Variants in TCF4 observed in about 807,000 individuals in gnomAD.
TCF4 encodes the protein SL3-3 enhancer factor 2.
TCF4 carries 3 observed loss-of-function variants against 82.1 expected under a neutral mutation model. The observed-to-expected ratio is 0.04, with a 90% confidence interval of 0.02 to 0.09. The LOEUF (loss-of-function observed/expected upper bound fraction) is 0.09, where lower values mean the gene tolerates loss of function less well. Ranked by LOEUF, TCF4 falls within the 10% of genes least tolerant of loss-of-function variation. TCF4 has a pLI of 1.00. For synonymous variants in TCF4, 276 were observed against 309.6 expected (o/e 0.89, Z 1.14); for missense variants, 518 against 852.7 (o/e 0.61, Z 4.89).
chr18:55,586,153 GAGCAGCAGCAGC>G lies in TCF4; in HGVS notation c.73-813_73-802del, dbSNP rs55725917. On this transcript the variant is annotated intron_variant, in intron 2 of 19. Transcript: ENST00000354452. ...GGAGGAGAAGGAGGAGGAGGAGGAG[GAGCAGCAGCAGC>G]AGCAGCAGCAGCAGCAGCAGCAGCA... 4.8e-3 allele frequency: 3,407 copies of G among 707,580 alleles called. 99 individuals carry two copies. Among genetic ancestry groups the G allele is most frequent in the African/African-American group, 0.026 (1,422 of 55,588 alleles). 43.8% of individuals were successfully genotyped at this position (707,580 alleles called of 1,614,324 possible). A position where few individuals can be genotyped will look rare whatever the true frequency, so the allele number is the denominator to read the frequency against.
At chr18:55,487,484 T>C (rs951636064) in intron 3 of TCF4, among the ~76,000 whole-genome samples, 2 of 152,338 alleles carry the variant, frequency 1.3e-5, no homozygotes, top group East Asian at 3.9e-4. Context: ...GAAGTGCATT[T>C]ATTAAACATG....
chr18:55,301,896 C>T (rs2068441153), intron 8 of TCF4, among the ~76,000 whole-genome samples: 1 of 151,310 alleles, frequency 6.6e-6, no homozygotes, highest in South Asian at 2.1e-4. Flanking sequence ...GATTCATCCT[C>T]GTTTAGGTTG....
chr18:55,523,982 C>T (rs550936541), intron 3 of TCF4, among the ~76,000 whole-genome samples: 5 of 152,100 alleles, frequency 3.3e-5, no homozygotes, highest in Non-Finnish European at 5.9e-5. Flanking sequence ...CAAACTTACA[C>T]TTAAATATTC....
intron 5 of TCF4, among the ~76,000 whole-genome samples, chr18:55,450,029 G>A (rs1159075326): frequency 1.3e-5 from 2 of 152,188 alleles, no homozygotes; most frequent in African/African-American, 4.8e-5. Flanking sequence ...TTTAGGGCCA[G>A]GTGGCTTTAC....
intron 8 of TCF4, among the ~76,000 whole-genome samples, chr18:55,296,011 A>G (rs1426731701): frequency 6.6e-6 from 1 of 152,092 alleles, no homozygotes; most frequent in Non-Finnish European, 1.5e-5. Context: ...CAGCTCACTC[A>G]TAGTAGGCAT....
At chr18:55,598,111 G>T (rs2097693068) in intron 2 of TCF4, among the ~76,000 whole-genome samples, 1 of 152,164 alleles carries the variant, frequency 6.6e-6, no homozygotes, top group South Asian at 2.1e-4. Context: ...GTAAAATCAT[G>T]CCGTAAAACT....
At chr18:55,269,172 C>T (rs1266386023) in intron 11 of TCF4, 1 of 153,374 alleles carries the variant, frequency 6.5e-6, no homozygotes, top group South Asian at 2.0e-4. Flanking sequence ...ATGGGAACAG[C>T]ATTCTTCTTG....
intron 3 of TCF4, among the ~76,000 whole-genome samples, chr18:55,557,601 A>G (rs2097315923): frequency 1.3e-5 from 2 of 152,200 alleles, no homozygotes; most frequent in Admixed American, 1.3e-4. Context: ...AGCTGCTATC[A>G]ATTTTTTTCT....
chr18:55,320,342 G>C (rs1050221168), intron 8 of TCF4, among the ~76,000 whole-genome samples: 1 of 152,018 alleles, frequency 6.6e-6, no homozygotes, highest in African/African-American at 2.4e-5. Context: ...TTTTAAAAAA[G>C]ATAAAAATAG....
intron 8 of TCF4, among the ~76,000 whole-genome samples, chr18:55,323,436 A>T (rs2076045524): frequency 6.6e-6 from 1 of 152,150 alleles, no homozygotes; most frequent in Non-Finnish European, 1.5e-5. Context: ...CTAATGGTGG[A>T]AAGTTTCCCC....
At chr18:55,291,850 T>A (rs1480097342) in intron 8 of TCF4, among the ~76,000 whole-genome samples, 1 of 152,204 alleles carries the variant, frequency 6.6e-6, no homozygotes, top group Non-Finnish European at 1.5e-5. Context: ...GGCAGAATTT[T>A]CACTAGGAAC....
chr18:55,287,172 C>A lies in TCF4; in HGVS notation c.550-7516G>T, dbSNP rs1787797. ...TCATTTTTACTAACTGAGCAATGAC[C>A]CATCTTCCGTCTACCAGAATGCACC... On this transcript the variant is annotated intron_variant, in intron 8 of 19. Transcript: ENST00000354452. Among the ~76,000 whole-genome samples the A allele has an allele frequency of 4.0e-3, 606 of 152,112 alleles. 4 individuals carry two copies. Among genetic ancestry groups the A allele is most frequent in the African/African-American group, 0.014 (581 of 41,502 alleles).
chr18:55,334,683 A>C (rs1385166258), intron 8 of TCF4, among the ~76,000 whole-genome samples: 1 of 152,196 alleles, frequency 6.6e-6, no homozygotes, highest in African/African-American at 2.4e-5. Context: ...TGAATTAATA[A>C]ATTATTACTG....
rs892283628 is a variant in TCF4, at chr18:55,625,734, T to A, written c.286+5564A>T. Among the ~76,000 whole-genome samples the A allele has an allele frequency of 2.6e-5, 4 of 152,346 alleles. No homozygotes were observed. The East Asian group carries it at 5.8e-4, about 22-fold the overall frequency. ...AGTCTTTTGTTTTGCTATCATTGTT[T>A]TTGCAGTAAAATTCAACAGTTTTCC... On this transcript the variant is annotated intron_variant, in intron 2 of 20. Transcript: ENST00000398339.
chr18:55,594,839 T>C (rs184727205), intron 2 of TCF4, among the ~76,000 whole-genome samples: 1 of 152,322 alleles, frequency 6.6e-6, no homozygotes, highest in East Asian at 1.9e-4. Context: ...GATTTAAACA[T>C]AGGTAGACCA....
At chr18:55,511,872 A>C (rs2096832043) in intron 3 of TCF4, among the ~76,000 whole-genome samples, 1 of 152,194 alleles carries the variant, frequency 6.6e-6, no homozygotes, top group Non-Finnish European at 1.5e-5. Context: ...CAAAGACAGC[A>C]AAAACTGATT....
chr18:55,323,241 CA>C (rs2076013100), intron 8 of TCF4, among the ~76,000 whole-genome samples: 1 of 152,108 alleles, frequency 6.6e-6, no homozygotes, highest in Non-Finnish European at 1.5e-5. Flanking sequence ...GAATTGATCC[CA>C]AATGAAACTA....
At chr18:55,367,797 A>C (rs530334864) in intron 6 of TCF4, among the ~76,000 whole-genome samples, 1 of 152,240 alleles carries the variant, frequency 6.6e-6, no homozygotes, top group Non-Finnish European at 1.5e-5. Flanking sequence ...AAAAGCTGTA[A>C]AAATGTGCAA....
intron 5 of TCF4, among the ~76,000 whole-genome samples, chr18:55,454,454 A>C (rs987768830): frequency 3.9e-5 from 6 of 152,170 alleles, no homozygotes; most frequent in African/African-American, 1.4e-4. Context: ...ACAGTCATTT[A>C]TTGAGGTCCT....
Sources: gnomAD v4.1 joint callset for allele counts (sites outside exome capture counted in the v4.1 genomes callset) on GRCh38, gnomAD v4.1.1 for gene constraint, MANE v1.5 for transcripts, NCBI Gene and HGNC (gene_info 2026-07-23, HGNC 2026-07-21) for gene names.